WWOX: variants seen among roughly 807,000 people sequenced by gnomAD.
The protein encoded by WWOX is WW domain containing oxidoreductase, also known as WW domain-containing oxidoreductase.
A neutral mutation model predicts 46.2 loss-of-function variants in WWOX; 69 were observed. The observed-to-expected ratio is 1.49, with a 90% CI of 1.23 to 1.82. The LOEUF (loss-of-function observed/expected upper bound fraction) is 1.82, where lower values mean the gene tolerates loss of function less well. WWOX is among the 40% of genes most tolerant of loss of function. WWOX has a pLI of 0.00. For missense variants in WWOX, 919 were observed against 542.6 expected (o/e 1.69, Z -6.89); for synonymous variants, 359 against 202.6 (o/e 1.77, Z -6.56).
At chr16:78,815,205 A>G (rs1283469603) in intron 8 of WWOX, among the ~76,000 whole-genome samples, 1 of 152,078 alleles carries the variant, frequency 6.6e-6, no homozygotes, top group Non-Finnish European at 1.5e-5. Context: ...CACACCTGTA[A>G]TCCCAGCTAC....
intron 8 of WWOX, among the ~76,000 whole-genome samples, chr16:78,498,934 G>A (rs2084985561): frequency 1.3e-5 from 2 of 152,132 alleles, no homozygotes; most frequent in Admixed American, 1.3e-4. Context: ...TGAGAGATAA[G>A]CACAATAATG....
chr16:78,587,193 C>CT (rs528293412), intron 8 of WWOX, among the ~76,000 whole-genome samples: 11,389 of 112,586 alleles, frequency 0.1, 796 homozygotes, highest in East Asian at 0.16. Flanking sequence ...GCCTGGCTAA[C>CT]TTTTTTTTTT....
At chr16:78,821,353 C>G (rs139270818) in intron 8 of WWOX, among the ~76,000 whole-genome samples, 1 of 152,168 alleles carries the variant, frequency 6.6e-6, no homozygotes, top group African/African-American at 2.4e-5. Context: ...CCAGCCCCCA[C>G]CCCACAACAG....
chr16:78,674,231 G>T (rs909411666), intron 8 of WWOX, among the ~76,000 whole-genome samples: 1 of 151,550 alleles, frequency 6.6e-6, no homozygotes, highest in Non-Finnish European at 1.5e-5. Flanking sequence ...GTGCATAAGA[G>T]AGATGTGGGG....
chr16:78,981,346 A>T (rs1188923093), intron 8 of WWOX, among the ~76,000 whole-genome samples: 1 of 152,084 alleles, frequency 6.6e-6, no homozygotes, highest in Non-Finnish European at 1.5e-5. Context: ...ACGCCAGCAG[A>T]TCTCTTTAGG....
At chr16:78,839,917 C>T (rs1352288710) in intron 8 of WWOX, among the ~76,000 whole-genome samples, 1 of 152,188 alleles carries the variant, frequency 6.6e-6, no homozygotes, top group African/African-American at 2.4e-5. Context: ...GCGCACAAAT[C>T]CTGCATTTTC....
At chr16:79,064,060 A>G (rs1000048918) in intron 8 of WWOX, among the ~76,000 whole-genome samples, 1 of 152,220 alleles carries the variant, frequency 6.6e-6, no homozygotes, top group African/African-American at 2.4e-5. Context: ...ACAATTTTCT[A>G]GTTCTCAACA....
intron 8 of WWOX, among the ~76,000 whole-genome samples, chr16:78,534,706 AT>A (rs1227970045): frequency 6.7e-6 from 1 of 148,682 alleles, no homozygotes; most frequent in East Asian, 1.9e-4. Flanking sequence ...ACATCTTTTT[AT>A]TTTTTTATTT....
At chr16:78,408,708 G>A (rs2082605175) in intron 6 of WWOX, among the ~76,000 whole-genome samples, 1 of 152,204 alleles carries the variant, frequency 6.6e-6, no homozygotes, top group Admixed American at 6.5e-5. Flanking sequence ...AAGTTTTGAA[G>A]AGGGAGATAC....
intron 8 of WWOX, among the ~76,000 whole-genome samples, chr16:78,887,381 G>T (rs1269249434): frequency 6.6e-6 from 1 of 151,410 alleles, no homozygotes; most frequent in Non-Finnish European, 1.5e-5. Context: ...GAATTATTCA[G>T]TGCATTCGCT....
At chr16:78,920,749 C>G (rs1225429706) in intron 8 of WWOX, among the ~76,000 whole-genome samples, 1 of 152,128 alleles carries the variant, frequency 6.6e-6, no homozygotes, top group African/African-American at 2.4e-5. Context: ...AGCACCATTT[C>G]ATCTGCAAAA....
chr16:78,685,652 C>T (rs1053854445), intron 8 of WWOX, among the ~76,000 whole-genome samples: 3 of 152,220 alleles, frequency 2.0e-5, no homozygotes. Flanking sequence ...GTGCTAAATG[C>T]AAAGGCAGAG....
chr16:78,593,721 G>C (rs996405385), intron 8 of WWOX, among the ~76,000 whole-genome samples: 1 of 105,872 alleles, frequency 9.4e-6, no homozygotes, highest in Non-Finnish European at 1.8e-5. Flanking sequence ...ACTGCCTGTT[G>C]TAGTTAAAAA....
At chr16:79,021,752 G>C (rs2047537997) in intron 8 of WWOX, among the ~76,000 whole-genome samples, 1 of 152,268 alleles carries the variant, frequency 6.6e-6, no homozygotes, top group African/African-American at 2.4e-5. Flanking sequence ...TAACATTTTG[G>C]CCATCTGTGT....
At chr16:78,969,883 T>C (rs1221789367) in intron 8 of WWOX, among the ~76,000 whole-genome samples, 1 of 152,178 alleles carries the variant, frequency 6.6e-6, no homozygotes, top group Non-Finnish European at 1.5e-5. Flanking sequence ...CAGCTAAAGA[T>C]AGCAGGATTC....
intron 8 of WWOX, among the ~76,000 whole-genome samples, chr16:78,748,690 T>A (rs2049406735): frequency 6.6e-6 from 1 of 152,208 alleles, no homozygotes; most frequent in Non-Finnish European, 1.5e-5. Context: ...TTTGAGGTGC[T>A]GTCAGGGCCC....
At chr16:78,169,584 C>T (rs2035085336) in intron 5 of WWOX, among the ~76,000 whole-genome samples, 1 of 149,806 alleles carries the variant, frequency 6.7e-6, no homozygotes, top group Admixed American at 6.6e-5. Context: ...TCTTGAAAGA[C>T]CCCAGTGGGG....
At chr16:79,140,691 A>G (rs2050072419) in intron 8 of WWOX, among the ~76,000 whole-genome samples, 1 of 152,260 alleles carries the variant, frequency 6.6e-6, no homozygotes, top group African/African-American at 2.4e-5. Context: ...AGTTGGCTTC[A>G]GAAAACATCT....
intron 8 of WWOX, among the ~76,000 whole-genome samples, chr16:79,102,905 G>A (rs2049230507): frequency 6.7e-6 from 1 of 150,330 alleles, no homozygotes; most frequent in African/African-American, 2.5e-5. Context: ...TGCAACCCTG[G>A]CTGGTGGCTC....
Sources: gnomAD v4.1 joint callset for allele counts (sites outside exome capture counted in the v4.1 genomes callset) on GRCh38, gnomAD v4.1.1 for gene constraint, MANE v1.5 for transcripts, NCBI Gene and HGNC (gene_info 2026-07-23, HGNC 2026-07-21) for gene names.